Variants in COL11A1 observed in about 807,000 individuals in gnomAD.
COL11A1 encodes collagen type XI alpha 1 chain, also known as collagen alpha-1(XI) chain.
Under a neutral mutation model 265.2 loss-of-function variants are expected in COL11A1, and 74 were observed. The observed-to-expected ratio is 0.28, with a 90% CI of 0.23 to 0.34. COL11A1 has a LOEUF of 0.34. Ranked by LOEUF, COL11A1 falls within the 10% of genes least tolerant of loss-of-function variation. The pLI is 1.00. For synonymous variants in COL11A1, 816 were observed against 727.6 expected (o/e 1.12, Z -1.96); for missense variants, 2,165 against 2,263.6 (o/e 0.96, Z 0.88).
intron 30 of COL11A1, among the ~76,000 whole-genome samples, chr1:102,986,242 G>A (rs904619317): frequency 1.3e-5 from 2 of 151,962 alleles, no homozygotes; most frequent in Non-Finnish European, 2.9e-5. Flanking sequence ...CCATAAAAAT[G>A]ATGAGTTCAT....
intron 63 of COL11A1, chr1:102,884,219 C>A (rs922954917): frequency 1.3e-5 from 2 of 152,180 alleles, no homozygotes; most frequent in African/African-American, 4.8e-5. Flanking sequence ...AAATTAGAAT[C>A]CCTCCTCCCC....
chr1:103,054,003 T>G (rs1438092902), intron 4 of COL11A1, among the ~76,000 whole-genome samples: 1 of 152,182 alleles, frequency 6.6e-6, no homozygotes, highest in East Asian at 1.9e-4. Context: ...TACAAAACTC[T>G]AATTTACCTG....
At chr1:103,012,000 C>A (rs946196179) in intron 14 of COL11A1, among the ~76,000 whole-genome samples, 2 of 152,134 alleles carry the variant, frequency 1.3e-5, no homozygotes, top group African/African-American at 4.8e-5. Flanking sequence ...AAGTATCTTG[C>A]TTGCCCTAAG....
chr1:102,962,964 A>T (rs1420632489), intron 38 of COL11A1, among the ~76,000 whole-genome samples: 1 of 152,220 alleles, frequency 6.6e-6, no homozygotes, highest in African/African-American at 2.4e-5. Context: ...CTTGGTTAGA[A>T]TCTGAGTGTA....
rs775179031 is a variant in COL11A1 at position 103,006,126 on chromosome 1, T to A, written c.1738-5A>T. ...TCCATCTGCACCTGGACGACCCTAA[T>A]AATGCCAACAGCATGATTAAGCGAA... On this transcript the variant is annotated splice_region_variant and splice_polypyrimidine_tract_variant and intron_variant, in intron 16 of 66. Transcript: ENST00000370096. The A allele has an allele frequency of 1.2e-6, 2 of 1,613,048 alleles. No individual in the cohort carries two copies. Among genetic ancestry groups the A allele is most frequent in the South Asian group, 2.2e-5 (2 of 90,998 alleles).
At chr1:102,884,018 T>A (rs943680839) in intron 63 of COL11A1, among the ~76,000 whole-genome samples, 10 of 152,198 alleles carry the variant, frequency 6.6e-5, no homozygotes, top group Non-Finnish European at 1.2e-4. Flanking sequence ...ATTCTTTAGA[T>A]AACTGACAAT....
intron 6 of COL11A1, chr1:103,025,910 T>C (rs774882740): frequency 2.5e-6 from 4 of 1,612,686 alleles, no homozygotes; most frequent in South Asian, 2.2e-5. Context: ...TTTGATTTAG[T>C]AGCCACTGTC....
intron 66 of COL11A1, 116 bp downstream of exon 66, chr1:102,879,567 A>G (rs1649965664): frequency 1.2e-6 from 1 of 861,114 alleles, no homozygotes; most frequent in Non-Finnish European, 1.9e-6. Flanking sequence ...TTAAGCAACA[A>G]ATGTTAATAA....
intron 46 of COL11A1, among the ~76,000 whole-genome samples, chr1:102,932,678 G>T (rs1244787187): frequency 6.6e-6 from 1 of 152,010 alleles, no homozygotes; most frequent in African/African-American, 2.4e-5. Flanking sequence ...ATAATATCCT[G>T]CAGAGTGTTT....
At chr1:102,913,711 T>C in intron 52 of COL11A1, 21 bp from the exon 53 acceptor site, 3 of 1,608,480 alleles carry the variant, frequency 1.9e-6, no homozygotes, top group Non-Finnish European at 1.7e-6. Flanking sequence ...CAATAAAATA[T>C]GAAGCAAGAT....
chr1:103,053,610 A>C (rs1387357003), intron 4 of COL11A1, among the ~76,000 whole-genome samples: 1 of 152,200 alleles, frequency 6.6e-6, no homozygotes, highest in African/African-American at 2.4e-5. Flanking sequence ...ACAGCCAAAA[A>C]CAGATGCGCT....
chr1:102,997,550 G>A (rs1403930858), intron 25 of COL11A1, among the ~76,000 whole-genome samples: 4 of 151,806 alleles, frequency 2.6e-5, no homozygotes, highest in African/African-American at 7.3e-5. Context: ...AAAATACAGC[G>A]AGATCATAAA....
intron 4 of COL11A1, among the ~76,000 whole-genome samples, chr1:103,043,192 A>ATGAAATATATATAATGAATACC: frequency 8.0e-6 from 1 of 125,484 alleles, no homozygotes; most frequent in African/African-American, 3.1e-5. Context: ...TAATGTATAT[A>ATGAAATATATATAATGAATACC]TGAAATACAT....
intron 35 of COL11A1, among the ~76,000 whole-genome samples, chr1:102,976,294 T>TTTTTTC (rs1662475726): frequency 1.9e-5 from 1 of 52,328 alleles, no homozygotes; most frequent in Non-Finnish European, 3.4e-5. Flanking sequence ...GTTGGCTTTT[T>TTTTTTC]TTTTTTTTTT....
intron 1 of COL11A1, among the ~76,000 whole-genome samples, chr1:103,093,059 A>T (rs2102378158): frequency 6.6e-6 from 1 of 152,274 alleles, no homozygotes; most frequent in African/African-American, 2.4e-5. Context: ...GTAAGTGCAA[A>T]AGCCTTGAAC....
intron 41 of COL11A1, among the ~76,000 whole-genome samples, chr1:102,952,060 C>G (rs1010659724): frequency 6.6e-5 from 10 of 151,934 alleles, no homozygotes; most frequent in Admixed American, 6.6e-5. Context: ...AGACAGAATG[C>G]TGATTTGACT....
chr1:102,891,095 T>C (rs1183062312), intron 57 of COL11A1, among the ~76,000 whole-genome samples: 1 of 152,040 alleles, frequency 6.6e-6, no homozygotes, highest in Non-Finnish European at 1.5e-5. Context: ...AACTCTGTAA[T>C]TCTTCTAGGC....
chr1:103,038,306 A>C (rs576161649), intron 4 of COL11A1, among the ~76,000 whole-genome samples: 5 of 152,052 alleles, frequency 3.3e-5, no homozygotes, highest in Admixed American at 2.0e-4. Flanking sequence ...CCACCAAAAA[A>C]ATACGAAAGT....
At chr1:102,970,721 G>A (rs946198467) in intron 36 of COL11A1, among the ~76,000 whole-genome samples, 6 of 151,936 alleles carry the variant, frequency 3.9e-5, no homozygotes, top group African/African-American at 4.8e-5. Flanking sequence ...TAACTGACAA[G>A]AAGGCAAAAG....
Sources: allele counts gnomAD v4.1 joint callset (sites outside exome capture counted in the v4.1 genomes callset), GRCh38; gene constraint gnomAD v4.1.1; transcripts MANE v1.5; gene names NCBI Gene and HGNC (gene_info 2026-07-23, HGNC 2026-07-21).